CAPN9: variants seen among roughly 807,000 people sequenced by gnomAD.
CAPN9 encodes calpain 9.
A neutral mutation model predicts 92.8 loss-of-function variants in CAPN9; 81 were observed. The observed-to-expected ratio is 0.87, with a 90% CI of 0.73 to 1.05. CAPN9 has a LOEUF of 1.05. Ranked by LOEUF, CAPN9 falls within the 50% of genes least tolerant of loss-of-function variation. The pLI is 0.00. For missense variants in CAPN9, 848 were observed against 866.2 expected (o/e 0.98, Z 0.26); for synonymous variants, 304 against 328.0 (o/e 0.93, Z 0.79).
At chr1:230,761,446 C>T (rs1367781720) in intron 3 of CAPN9, among the ~76,000 whole-genome samples, 1 of 152,170 alleles carries the variant, frequency 6.6e-6, no homozygotes, top group Admixed American at 6.5e-5. Context: ...GAACTTTAAA[C>T]ACCTAACCCA....
In CAPN9 at chr1:230,779,053, C is replaced by T. The variant is rs753743813; in HGVS notation, c.1034C>T (p.Ala345Val). Residue 345 changes from alanine (A) to valine (V), a missense_variant, in exon 9 of 20, where the codon GCG (alanine) becomes GTG (valine). By Grantham distance (64) the Ala-to-Val change is moderately conservative (BLOSUM62 0). Coordinates refer to ENST00000271971, the MANE Select transcript of CAPN9 (RefSeq NM_006615.3). ...ACTCCCGATGCCCTGGAGGAAGACG[C>T]GATCCACAAATGGGAGGTGACGGTC... ...NLTPDALEEDAIHKWEVTVHQ... is the reference protein window; with the variant it reads ...NLTPDALEEDVIHKWEVTVHQ... 3.9e-5 allele frequency: 63 copies of T among 1,613,448 alleles called. No homozygotes were observed. Among genetic ancestry groups the T allele is most frequent in the African/African-American group, 5.3e-5 (4 of 74,858 alleles).
intron 4 of CAPN9, among the ~76,000 whole-genome samples, chr1:230,764,027 G>T (rs917217493): frequency 6.6e-6 from 1 of 152,058 alleles, no homozygotes; most frequent in African/African-American, 2.4e-5. Context: ...ATTTATTGGG[G>T]TCACTTAAAA....
intron 6 of CAPN9, among the ~76,000 whole-genome samples, chr1:230,771,031 G>C (rs919076602): frequency 6.6e-6 from 1 of 152,130 alleles, no homozygotes; most frequent in Non-Finnish European, 1.5e-5. Context: ...ACTCAAGCAG[G>C]CATGTGATGT....
intron 11 of CAPN9, among the ~76,000 whole-genome samples, chr1:230,784,373 A>G (rs1320199026): frequency 6.6e-6 from 1 of 152,244 alleles, no homozygotes; most frequent in Non-Finnish European, 1.5e-5. Context: ...AAGGCATTTT[A>G]GAGACCTTTG....
chr1:230,749,346 A>G (rs1267983929), intron 1 of CAPN9, among the ~76,000 whole-genome samples: 1 of 152,244 alleles, frequency 6.6e-6, no homozygotes, highest in Non-Finnish European at 1.5e-5. Flanking sequence ...ACATTTCCAA[A>G]CTAAAAAAGC....
At chr1:230,772,129 G>T (rs1311071023) in intron 7 of CAPN9, 30 bp downstream of exon 7, 4 of 1,591,780 alleles carry the variant, frequency 2.5e-6, no homozygotes, top group South Asian at 2.2e-5. Context: ...CTCTCTGGCT[G>T]GTTCCCGGGG....
At chr1:230,790,844 G>A (rs923672438) in intron 14 of CAPN9, among the ~76,000 whole-genome samples, 1 of 152,158 alleles carries the variant, frequency 6.6e-6, no homozygotes, top group Non-Finnish European at 1.5e-5. Flanking sequence ...CCAGCTGCTC[G>A]GGAAGCTGTG....
chr1:230,790,024 C>T, intron 13 of CAPN9, 108 bp from the exon 14 acceptor site: 1 of 840,230 alleles, frequency 1.2e-6, no homozygotes, highest in Non-Finnish European at 1.9e-6. Context: ...GTCCTGAAGG[C>T]TGGTCTGTCA....
At chr1:230,767,869 G>A (rs1435549046) in intron 5 of CAPN9, among the ~76,000 whole-genome samples, 160 bp downstream of exon 5, 1 of 151,862 alleles carries the variant, frequency 6.6e-6, no homozygotes, top group Non-Finnish European at 1.5e-5. Flanking sequence ...CACAAGTTTT[G>A]GGGGGAGGTG....
chr1:230,793,746 C>T (rs926207879), intron 17 of CAPN9, among the ~76,000 whole-genome samples: 11 of 152,132 alleles, frequency 7.2e-5, no homozygotes, highest in African/African-American at 2.4e-4. Context: ...CATCTCGGGT[C>T]CTATGTGAGG....
At chr1:230,767,293 G>A (rs959384677) in intron 4 of CAPN9, among the ~76,000 whole-genome samples, 4 of 152,102 alleles carry the variant, frequency 2.6e-5, no homozygotes, top group Non-Finnish European at 5.9e-5. Flanking sequence ...CGGCCACTCA[G>A]GCACCAGAGC....
chr1:230,772,951 G>T (rs1666487350), intron 7 of CAPN9, among the ~76,000 whole-genome samples: 1 of 152,048 alleles, frequency 6.6e-6, no homozygotes. Flanking sequence ...TGGGTGCGTG[G>T]CAGGGCCTGC....
At chr1:230,788,242 G>C (rs1667743230) in intron 13 of CAPN9, among the ~76,000 whole-genome samples, 1 of 152,114 alleles carries the variant, frequency 6.6e-6, no homozygotes. Flanking sequence ...AGAATACTCT[G>C]TTTGCTGTAG....
rs374496409 is a variant in CAPN9, at chr1:230,790,163, A to G, written c.1631A>G (p.Tyr544Cys). Residue 544 changes from tyrosine (Y) to cysteine (C), a missense_variant, in exon 14 of 20, where the codon TAT (tyrosine) becomes TGT (cysteine). Coordinates refer to ENST00000271971, the MANE Select transcript of CAPN9 (RefSeq NM_006615.3). Reference protein sequence around the residue: ...DMEVTAEELEYVLNAVLQKKK... With the variant: ...DMEVTAEELECVLNAVLQKKK... ...GAGGTGACAGCAGAGGAACTTGAGT[A>G]TGTTTTAAATGCTGTGCTGCAAAAG... 4 of 1,614,026 alleles carry G rather than the reference A, an allele frequency of 2.5e-6. No homozygotes were observed. Among genetic ancestry groups the G allele is most frequent in the Non-Finnish European group, 3.4e-6 (4 of 1,180,000 alleles).
At chr1:230,763,517 A>C (rs1198380696) in intron 4 of CAPN9, among the ~76,000 whole-genome samples, 2 of 152,202 alleles carry the variant, frequency 1.3e-5, no homozygotes, top group Non-Finnish European at 2.9e-5. Flanking sequence ...TCACCAGCCA[A>C]ATGGCCTCAG....
chr1:230,796,394 A>T (rs898132247), intron 18 of CAPN9, among the ~76,000 whole-genome samples: 21 of 151,642 alleles, frequency 1.4e-4, no homozygotes, highest in African/African-American at 3.4e-4. Context: ...TTAAATTAAA[A>T]TAAAAAGGTG....
At position 230,759,549 on chromosome 1, in the gene CAPN9, G is replaced by A. The variant is rs202182793; in HGVS notation, c.321G>A (p.Thr107=). 23 of 1,611,334 alleles carry A rather than the reference G, an allele frequency of 1.4e-5. No homozygotes were observed. The highest frequency in any genetic ancestry group is 3.4e-5 in the Admixed American group (2 of 59,592). Residue 107 remains threonine (T), a synonymous_variant, in exon 3 of 20, where the codon ACG becomes ACA. Transcript: ENST00000271971. ...CWLLAAIASL[T]LNQKALARVI... ...TATTAGCCGCCATCGCCTCCCTTAC[G>A]CTTAATCAAAAAGCACTGGCCAGAG...
intron 11 of CAPN9, among the ~76,000 whole-genome samples, chr1:230,781,991 G>A (rs977343290): frequency 1.3e-5 from 2 of 152,140 alleles, no homozygotes; most frequent in Non-Finnish European, 2.9e-5. Flanking sequence ...TACAAGATGG[G>A]GATGAATATC....
intron 3 of CAPN9, among the ~76,000 whole-genome samples, chr1:230,762,292 C>G (rs778029116): frequency 1.3e-5 from 2 of 152,214 alleles, no homozygotes; most frequent in African/African-American, 4.8e-5. Flanking sequence ...CCAAACCCCA[C>G]GTTACCATTC....
Sources: allele counts gnomAD v4.1 joint callset (sites outside exome capture counted in the v4.1 genomes callset), GRCh38; gene constraint gnomAD v4.1.1; transcripts MANE v1.5; gene names NCBI Gene and HGNC (gene_info 2026-07-23, HGNC 2026-07-21).